Variants in AMBRA1 observed in about 807,000 individuals in gnomAD.
AMBRA1 encodes the protein activating molecule in BECN1-regulated autophagy protein 1.
In AMBRA1, 47 loss-of-function variants were observed where a neutral mutation model predicts 125.4. The observed-to-expected ratio is 0.37, with a 90% CI of 0.30 to 0.48. The LOEUF is 0.48. Among genes scored for constraint, AMBRA1 ranks in the 20% least tolerant of loss-of-function variants. The pLI is 0.99. For missense variants in AMBRA1, 1,331 were observed against 1,693.4 expected (o/e 0.79, Z 3.76); for synonymous variants, 626 against 655.5 (o/e 0.95, Z 0.69).
At chr11:46,398,993 C>A (rs1037682975) in intron 17 of AMBRA1, among the ~76,000 whole-genome samples, 1 of 151,922 alleles carries the variant, frequency 6.6e-6, no homozygotes, top group Non-Finnish European at 1.5e-5. Flanking sequence ...AGGCTGGTTT[C>A]GAGCTCCTGA....
At chr11:46,425,007 G>A (rs1174239101) in intron 14 of AMBRA1, among the ~76,000 whole-genome samples, 1 of 152,046 alleles carries the variant, frequency 6.6e-6, no homozygotes, top group African/African-American at 2.4e-5. Context: ...GGTGGCAGGT[G>A]CCTGTAATCC....
rs1420955334 is a variant in AMBRA1 at position 46,543,180 on chromosome 11, C to T, written c.837G>A (p.Thr279=). The T allele has an allele frequency of 1.1e-5, 15 of 1,420,142 alleles. No individual in the cohort carries two copies. Among genetic ancestry groups the T allele is most frequent in the South Asian group, 1.2e-5 (1 of 84,998 alleles). 88.0% of individuals were successfully genotyped at this position (1,420,142 alleles called of 1,614,324 possible). The part of the protein sequence containing the change: ...SPPPPPPQPS[T]ERPRTSAYIR... The stretch of plus-strand genomic sequence containing the variant: ...TGTAAGCGGAAGTCCTGGGGCGCTC[C>T]GTGGAGGGCTGAGGGGGAGGCGGTG... The change falls in exon 7 of 18, where the codon ACG becomes ACA. Residue 279 remains threonine (T), a synonymous_variant. Transcript: ENST00000683756.
intron 12 of AMBRA1, among the ~76,000 whole-genome samples, chr11:46,436,073 C>T (rs917655463): frequency 1.8e-4 from 28 of 152,318 alleles, no homozygotes; most frequent in Admixed American, 3.3e-4. Context: ...AGCAAAAAAA[C>T]TTTTCACTGT....
At chr11:46,566,673 C>T (rs906462411) in intron 1 of AMBRA1, among the ~76,000 whole-genome samples, 5 of 152,130 alleles carry the variant, frequency 3.3e-5, no homozygotes, top group Admixed American at 3.3e-4. Flanking sequence ...GCAACTTTAT[C>T]CACTGTGAAA....
chr11:46,547,813 GTACCTGT>G lies in AMBRA1; in HGVS notation c.191_194+3del. 2 of 1,610,096 alleles carry G rather than the reference GTACCTGT, an allele frequency of 1.2e-6. No homozygotes were observed. The highest frequency in any genetic ancestry group is 1.7e-6 in the Non-Finnish European group (2 of 1,178,064). Reference sequence around the variant, plus strand: ...ATCTTAAGTTATAGATAAATACTGAGTACCTGTCTGGGCTGAAGGCCAATAAGAAGGT... The same window carrying G: ...ATCTTAAGTTATAGATAAATACTGAGCTGGGCTGAAGGCCAATAAGAAGGT... On this transcript the variant is annotated splice_donor_variant and splice_donor_region_variant and coding_sequence_variant and intron_variant, in exon 3 of 18. Coordinates refer to ENST00000683756, the MANE Select transcript of AMBRA1 (RefSeq NM_001387011.1). LOFTEE classifies it high-confidence loss of function.
rs1027463498 is a variant in AMBRA1 at position 46,396,591 on chromosome 11, G to A, written c.*859C>T. On this transcript the variant is annotated 3_prime_UTR_variant, in exon 18 of 18. Coordinates refer to ENST00000683756, the MANE Select transcript of AMBRA1 (RefSeq NM_001387011.1). ...TTGATTTCTCCACTAGAAACTACAC[G>A]TACAGTTAAGAGTCCACATGCAACA... 2 of 152,600 alleles carry A rather than the reference G, an allele frequency of 1.3e-5. No individual in the cohort carries two copies. The highest frequency in any genetic ancestry group is 2.4e-5 in the African/African-American group (1 of 41,438). The allele number at this position is 152,600 out of a possible 1,614,324, so 9.5% of individuals were successfully genotyped here.
intron 14 of AMBRA1, among the ~76,000 whole-genome samples, chr11:46,428,100 C>T (rs907891076): frequency 4.0e-5 from 6 of 151,002 alleles, no homozygotes; most frequent in Middle Eastern, 3.5e-3. Context: ...ATATTGCTAG[C>T]GCTCTAGAGG....
At chr11:46,441,795 G>A (rs544746774) in intron 12 of AMBRA1, among the ~76,000 whole-genome samples, 1 of 152,104 alleles carries the variant, frequency 6.6e-6, no homozygotes, top group East Asian at 1.9e-4. Flanking sequence ...ATCTAAGGAG[G>A]TTTGACCTTT....
chr11:46,415,673 C>T (rs930991669), intron 15 of AMBRA1, among the ~76,000 whole-genome samples: 6 of 152,212 alleles, frequency 3.9e-5, no homozygotes, highest in African/African-American at 1.4e-4. Flanking sequence ...TCAGGAGAAA[C>T]AGCAACCAAA....
chr11:46,522,300 A>G (rs1951796799), intron 7 of AMBRA1, among the ~76,000 whole-genome samples: 1 of 152,226 alleles, frequency 6.6e-6, no homozygotes, highest in Admixed American at 6.5e-5. Flanking sequence ...TCAACACATT[A>G]CACTATAGTT....
At chr11:46,581,024 G>T (rs895810323) in intron 1 of AMBRA1, among the ~76,000 whole-genome samples, 3 of 151,916 alleles carry the variant, frequency 2.0e-5, no homozygotes, top group African/African-American at 7.2e-5. Context: ...AAACTCCTGA[G>T]CTCAAGCAAT....
At chr11:46,437,502 T>C (rs1469104017) in intron 12 of AMBRA1, among the ~76,000 whole-genome samples, 9 of 152,220 alleles carry the variant, frequency 5.9e-5, no homozygotes, top group Admixed American at 1.3e-4. Flanking sequence ...TCTACCCTAA[T>C]GGGATGTGGT....
chr11:46,551,899 G>C lies in AMBRA1; in HGVS notation c.-120-3399C>G, dbSNP rs374517793. Among the ~76,000 whole-genome samples the C allele has an allele frequency of 4.7e-5, 7 of 149,374 alleles. No homozygotes were observed. In the South Asian group the frequency reaches 1.5e-3, roughly 32 times the overall value. On this transcript the variant is annotated intron_variant, in intron 1 of 17. Coordinates refer to ENST00000683756, the MANE Select transcript of AMBRA1 (RefSeq NM_001387011.1). ...AAAAATTAGCCAGGCGTGGTGGCAG[G>C]CACCAGTAATCCCAGCTACTTGGGA... is the stretch of plus-strand genomic sequence containing the variant.
chr11:46,555,770 G>T (rs1203001023), intron 1 of AMBRA1, among the ~76,000 whole-genome samples: 1 of 152,206 alleles, frequency 6.6e-6, no homozygotes, highest in Admixed American at 6.5e-5. Context: ...ATTTATAGCT[G>T]TATCTAAAAC....
At chr11:46,543,712 A>G (rs1221299630) in intron 6 of AMBRA1, among the ~76,000 whole-genome samples, 1 of 152,194 alleles carries the variant, frequency 6.6e-6, no homozygotes, top group African/African-American at 2.4e-5. Flanking sequence ...CCAGAGGCAC[A>G]TGAGTGACAA....
At chr11:46,584,897 C>A (rs1191886294) in intron 1 of AMBRA1, among the ~76,000 whole-genome samples, 2 of 152,094 alleles carry the variant, frequency 1.3e-5, no homozygotes, top group Non-Finnish European at 2.9e-5. Context: ...CATGGTGAAA[C>A]CCTGTCTCTA....
rs1485621863 is a variant in AMBRA1 at position 46,583,904 on chromosome 11, A to G, written c.-121+9924T>C. On this transcript the variant is annotated intron_variant, in intron 1 of 17. Transcript: ENST00000683756. Reference sequence around the variant, plus strand: ...GCTGGAGAGGATGTGGAGAAATAGGAACACTTTTACACTGTTGGTGGGACT... The same window carrying G: ...GCTGGAGAGGATGTGGAGAAATAGGGACACTTTTACACTGTTGGTGGGACT... Among the ~76,000 whole-genome samples the G allele has an allele frequency of 6.3e-3, 894 of 142,806 alleles. 14 individuals carry two copies. The highest frequency in any genetic ancestry group is 0.023 in the African/African-American group (868 of 38,504). 93.7% of individuals were successfully genotyped at this position (142,806 alleles called of 152,430 possible).
At chr11:46,501,808 G>A (rs965966539) in intron 9 of AMBRA1, among the ~76,000 whole-genome samples, 10 of 152,176 alleles carry the variant, frequency 6.6e-5, no homozygotes, top group South Asian at 2.1e-4. Context: ...GCTTGGTGAC[G>A]TTTTTGTAGC....
chr11:46,582,410 A>G (rs1341711955), intron 1 of AMBRA1, among the ~76,000 whole-genome samples: 1 of 152,122 alleles, frequency 6.6e-6, no homozygotes, highest in African/African-American at 2.4e-5. Context: ...CTTCTGTCAT[A>G]GGTTTGGCAC....
Sources: gnomAD v4.1 joint callset for allele counts (sites outside exome capture counted in the v4.1 genomes callset) on GRCh38, gnomAD v4.1.1 for gene constraint, MANE v1.5 for transcripts, NCBI Gene and HGNC (gene_info 2026-07-23, HGNC 2026-07-21) for gene names.